Variants in PPP1R12C observed in about 807,000 individuals in gnomAD.
PPP1R12C encodes the protein leukocyte receptor cluster (LRC) encoded novel gene 3.
PPP1R12C carries 48 observed loss-of-function variants against 95.6 expected under a neutral mutation model. That is an observed-to-expected ratio of 0.50 (90% CI 0.40 to 0.64). The LOEUF (loss-of-function observed/expected upper bound fraction) is 0.64. Ranked by LOEUF, PPP1R12C falls within the 30% of genes least tolerant of loss-of-function variation. PPP1R12C has a pLI of 0.00. For missense variants in PPP1R12C, 1,057 were observed against 1,083.3 expected (o/e 0.98, Z 0.34); for synonymous variants, 480 against 460.8 (o/e 1.04, Z -0.53).
In PPP1R12C at chr19:55,093,162, C is replaced by T. The variant is rs1344371776; in HGVS notation, c.1755G>A (p.Ala585=). The change falls in exon 14 of 22, where the codon GCG becomes GCA. Residue 585 remains alanine, a synonymous_variant. Coordinates refer to ENST00000263433, the MANE Select transcript of PPP1R12C (RefSeq NM_017607.4). ...CGCTGACCCCTCTCACCAGGCTCTGCGCCGGCTTCTCTGACTCTGGGGCCT... is the reference window on the plus strand; with the variant it reads ...CGCTGACCCCTCTCACCAGGCTCTGTGCCGGCTTCTCTGACTCTGGGGCCT... ...AGKAPESEKP[A]QSLDPSRRPR... The T allele has an allele frequency of 1.3e-5, 21 of 1,613,668 alleles. No individual in the cohort carries two copies. Among genetic ancestry groups the T allele is most frequent in the African/African-American group, 2.7e-5 (2 of 75,034 alleles).
intron 3 of PPP1R12C, chr19:55,112,037 G>A (rs1300048725): frequency 6.2e-6 from 1 of 160,622 alleles, no homozygotes; most frequent in Non-Finnish European, 1.4e-5. Context: ...GGGGTACGAT[G>A]AGTCTCAGAG....
At chr19:55,106,711 C>T (rs532907528) in intron 3 of PPP1R12C, among the ~76,000 whole-genome samples, 6 of 152,202 alleles carry the variant, frequency 3.9e-5, no homozygotes, top group South Asian at 2.1e-4. Flanking sequence ...CTTGGGCCTA[C>T]GAAAATCCAT....
rs1451971555 is a variant in PPP1R12C, at chr19:55,095,225, A to G, written c.1454+66T>C. ...GGGGTACATGGTCTCACTCAGGATCACACGGACAGGCTTGGAACCCACATC... is the reference window on the plus strand; with the variant it reads ...GGGGTACATGGTCTCACTCAGGATCGCACGGACAGGCTTGGAACCCACATC... On this transcript the variant is annotated intron_variant, in intron 11 of 21. Transcript: ENST00000263433. 12 of 1,472,840 alleles carry G rather than the reference A, an allele frequency of 8.1e-6. No individual in the cohort carries two copies. The East Asian group carries it at 3.0e-4, about 36-fold the overall frequency. The allele number at this position is 1,472,840 out of a possible 1,614,324, so 91.2% of individuals were successfully genotyped here.
chr19:55,117,193 C>A (rs1261469534), intron 1 of PPP1R12C, 30 bp downstream of exon 1: 1 of 1,221,322 alleles, frequency 8.2e-7, no homozygotes, highest in South Asian at 4.1e-5. Context: ...TGGACCTGGC[C>A]CCGGGAGACG....
chr19:55,102,245 G>A (rs1024110226), intron 4 of PPP1R12C, among the ~76,000 whole-genome samples: 1 of 152,228 alleles, frequency 6.6e-6, no homozygotes, highest in East Asian at 1.9e-4. Flanking sequence ...TGGGTGCAGT[G>A]GCTCACGCCT....
chr19:55,117,471 G>A lies in PPP1R12C; in HGVS notation c.73C>T (p.Gln25Ter). Residue 25 changes from glutamine (Q) to a stop codon, truncating the protein, a stop_gained, in exon 1 of 22, where the codon CAG (glutamine) becomes TAG (stop). Transcript: ENST00000263433. LOFTEE classifies it high-confidence loss of function. Reference protein sequence around the residue: ...AAAARERRREQLRQWGARAGA... With the variant: ...AAAARERRRE ...GCCCGCGCCCCCCACTGCCGCAGCT[G>A]CTCCCGTCGCCGCTCCCGGGCAGCC... 2 of 1,016,334 alleles carry A rather than the reference G, an allele frequency of 2.0e-6. No homozygotes were observed. The highest frequency in any genetic ancestry group is 5.6e-5 in the Admixed American group (1 of 17,928). 63.0% of individuals were successfully genotyped at this position (1,016,334 alleles called of 1,614,324 possible).
intron 19 of PPP1R12C, 53 bp downstream of exon 19, chr19:55,092,168 GC>G: frequency 6.8e-7 from 1 of 1,470,346 alleles, no homozygotes. Flanking sequence ...AGCAGTCTAA[GC>G]CCCACCCAGG....
chr19:55,097,333 T>C (rs71367150), intron 6 of PPP1R12C, among the ~76,000 whole-genome samples: 155 of 74,008 alleles, frequency 2.1e-3, no homozygotes, highest in African/African-American at 6.6e-3. Context: ...ACCCCTTCCC[T>C]GCAGTTCACC....
At position 55,104,154 on chromosome 19, in the gene PPP1R12C, CTCTG is replaced by C. The variant is rs1288840379; in HGVS notation, c.572-590_572-587del. Among the ~76,000 whole-genome samples, 294 of 102,182 alleles carry C rather than the reference CTCTG, an allele frequency of 2.9e-3. 3 individuals carry two copies. In the East Asian group the frequency reaches 0.068, roughly 24 times the overall value. The allele number at this position is 102,182 out of a possible 152,430, so 67.0% of individuals were successfully genotyped here. A position where few individuals can be genotyped will look rare whatever the true frequency, so the allele number is the denominator to read the frequency against. On this transcript the variant is annotated intron_variant, in intron 3 of 21. Transcript: ENST00000263433. ...CTCCAGCCTGGGCAACACAGTGAGA[CTCTG>C]TCTAAAAAAAAAAAAAAAAAAGTAT...
Position 55,092,524 on chromosome 19 carries a change from G to A in PPP1R12C, c.1973C>T (p.Ser658Leu), listed in dbSNP as rs2147176618. ...CCGCTGCCACCGCTGCCTGCGGGCC[G>A]AGGGGCCGCCCTCCAGGGTGCTGGG... ...QESSTLEGGPSARRQRWQRDL... is the reference protein window; with the variant it reads ...QESSTLEGGPLARRQRWQRDL... Residue 658 changes from serine to leucine, a missense_variant, in exon 18 of 22, where the codon TCG (serine) becomes TTG (leucine). By Grantham distance (145) the Ser-to-Leu change is moderately radical. Around this residue, in one of 5 missense-constraint regions of PPP1R12C, gnomAD observed 347 missense variants for 307.9 expected, o/e 1.13. Coordinates refer to ENST00000263433, the MANE Select transcript of PPP1R12C (RefSeq NM_017607.4). The A allele has an allele frequency of 1.2e-6, 2 of 1,606,686 alleles. No individual in the cohort carries two copies. Among genetic ancestry groups the A allele is most frequent in the Non-Finnish European group, 1.7e-6 (2 of 1,177,200 alleles).
At chr19:55,108,868 G>C (rs1246037956) in intron 3 of PPP1R12C, among the ~76,000 whole-genome samples, 1 of 152,012 alleles carries the variant, frequency 6.6e-6, no homozygotes, top group East Asian at 1.9e-4. Flanking sequence ...CACCACCCCT[G>C]GCTAATTTTG....
chr19:55,114,104 A>C (rs1229352093), intron 1 of PPP1R12C: 1 of 152,014 alleles, frequency 6.6e-6, no homozygotes, highest in African/African-American at 2.6e-5. Context: ...CAGACCCACG[A>C]GTCCAGGCCC....
chr19:55,117,057 G>A (rs1312634103), intron 1 of PPP1R12C, among the ~76,000 whole-genome samples, 166 bp downstream of exon 1: 2 of 152,244 alleles, frequency 1.3e-5, no homozygotes, highest in Middle Eastern at 3.4e-3. Flanking sequence ...GGTGGTCGAA[G>A]GGGAATGGTA....
rs1344139908 is a variant in PPP1R12C at position 55,091,059 on chromosome 19, G to GGGA, written c.*412_*413insTCC. 14 of 256,668 alleles carry GGGA rather than the reference G, an allele frequency of 5.5e-5. No individual in the cohort carries two copies. The highest frequency in any genetic ancestry group is 1.0e-4 in the Non-Finnish European group (13 of 130,456). 15.9% of individuals were successfully genotyped at this position (256,668 alleles called of 1,614,324 possible). The stretch of plus-strand genomic sequence containing the variant: ...TATTGCACATGGACCCTATATACAG[G>GGGA]CCCACCTGGCTGAGGCTGGCGGGAC... On this transcript the variant is annotated 3_prime_UTR_variant, in exon 22 of 22. Coordinates refer to ENST00000263433, the MANE Select transcript of PPP1R12C (RefSeq NM_017607.4).
Position 55,091,659 on chromosome 19 carries a change from C to G in PPP1R12C, c.2253G>C (p.Glu751Asp). Residue 751 changes from glutamate (E) to aspartate (D), a missense_variant, in exon 21 of 22, where the codon GAG becomes GAC. Glu to Asp is a conservative substitution (Grantham distance 45). Coordinates refer to ENST00000263433, the MANE Select transcript of PPP1R12C (RefSeq NM_017607.4). Reference protein sequence around the residue: ...ALERKAAELEEELKALSDLRA... With the variant: ...ALERKAAELEDELKALSDLRA... Reference sequence around the variant, plus strand: ...CCCCCACAGCCCCCACCTTCAGCTCCTCCTCCAGCTCTGCGGCCTTGCGTT... The same window carrying G: ...CCCCCACAGCCCCCACCTTCAGCTCGTCCTCCAGCTCTGCGGCCTTGCGTT... The G allele has an allele frequency of 6.2e-7, 1 of 1,612,948 alleles. No homozygotes were observed. The highest frequency in any genetic ancestry group is 8.5e-7 in the Non-Finnish European group (1 of 1,179,722).
chr19:55,113,347 C>G (rs1395784178), intron 1 of PPP1R12C: 4 of 1,353,632 alleles, frequency 3.0e-6, no homozygotes, highest in Non-Finnish European at 3.8e-6. Context: ...GGGACAGACT[C>G]AGGGGCCTGG....
intron 4 of PPP1R12C, among the ~76,000 whole-genome samples, chr19:55,102,885 A>C (rs558971704): frequency 6.6e-6 from 1 of 152,340 alleles, no homozygotes; most frequent in Admixed American, 6.5e-5. Flanking sequence ...ATAGTAACAA[A>C]ATGATGACTA....
chr19:55,113,044 A>C, intron 1 of PPP1R12C: 1 of 582,580 alleles, frequency 1.7e-6, no homozygotes, highest in Non-Finnish European at 3.0e-6. Context: ...ACAGGAAGTG[A>C]ACGGGGAAGG....
Position 55,092,292 on chromosome 19 carries a change from A to G in PPP1R12C, c.2090T>C (p.Leu697Pro), listed in dbSNP as rs1361448614. Residue 697 changes from leucine to proline, a missense_variant, in exon 19 of 22, where the codon CTT (leucine) becomes CCT (proline). Coordinates refer to ENST00000263433, the MANE Select transcript of PPP1R12C (RefSeq NM_017607.4). ...YAELRRENER[L>P]REALTETTLR... The stretch of plus-strand genomic sequence containing the variant: ...CGTGGTCTCGGTCAGGGCCTCGCGA[A>G]GCCGCTCGTTCTCCCTGCGCAGCTC... 1 of 1,601,058 alleles carries G rather than the reference A, an allele frequency of 6.2e-7. No homozygotes were observed. Among genetic ancestry groups the G allele is most frequent in the Admixed American group, 1.7e-5 (1 of 58,640 alleles).
Sources: allele counts gnomAD v4.1 joint callset (sites outside exome capture counted in the v4.1 genomes callset), GRCh38; gene constraint gnomAD v4.1.1; regional missense constraint gnomAD v4.1.1; transcripts MANE v1.5; gene names NCBI Gene and HGNC (gene_info 2026-07-23, HGNC 2026-07-21).